The following LCA5L variants were observed in gnomAD, a reference collection of about 807,000 sequenced individuals.
LCA5L encodes the protein lebercilin LCA5 like, also known as lebercilin-like protein.
A neutral mutation model predicts 45.4 loss-of-function variants in LCA5L; 35 were observed. That is an observed-to-expected ratio of 0.77 (90% CI 0.59 to 1.02). The LOEUF (loss-of-function observed/expected upper bound fraction) is 1.02, where lower values mean the gene tolerates loss of function less well. Ranked by LOEUF, LCA5L falls within the 50% of genes least tolerant of loss-of-function variation. LCA5L has a pLI of 0.00. For missense variants in LCA5L, 668 were observed against 761.6 expected, an observed-to-expected ratio of 0.88 and a Z score of 1.45; for synonymous variants, 233 against 264.7, an observed-to-expected ratio of 0.88 and a Z score of 1.16.
At chr21:39,417,175 G>C (rs1311988106) in intron 7 of LCA5L, among the ~76,000 whole-genome samples, 1 of 152,142 alleles carries the variant, frequency 6.6e-6, no homozygotes, top group Non-Finnish European at 1.5e-5. Flanking sequence ...TGGGATTACA[G>C]GCGCGCACCA....
In LCA5L at chr21:39,444,196, G is replaced by A. The variant is rs1008852814; in HGVS notation, c.-307C>T. On this transcript the variant is annotated 5_prime_UTR_variant, in exon 2 of 11. Transcript: ENST00000288350. ...TGCATCTCAGTTTGCCTCTTTTGGT[G>A]CTTCTCTAAAAAATAAAAAAGGAAG... is the stretch of plus-strand genomic sequence containing the variant. 2.0e-5 allele frequency: 3 copies of A among 152,078 alleles called. No homozygotes were observed. The highest frequency in any genetic ancestry group is 2.9e-5 in the Non-Finnish European group (2 of 68,022). 9.4% of individuals were successfully genotyped at this position (152,078 alleles called of 1,614,324 possible). A position where few individuals can be genotyped will look rare whatever the true frequency, so the allele number is the denominator to read the frequency against.
chr21:39,414,703 T>C (rs886169714), intron 7 of LCA5L, among the ~76,000 whole-genome samples: 34 of 150,434 alleles, frequency 2.3e-4, no homozygotes, highest in Admixed American at 1.1e-3. Flanking sequence ...TGCATCTGTC[T>C]GGTTCTCTCC....
intron 3 of LCA5L, among the ~76,000 whole-genome samples, chr21:39,433,594 T>C (rs1333758232): frequency 1.3e-5 from 2 of 152,126 alleles, no homozygotes; most frequent in Non-Finnish European, 1.5e-5. Flanking sequence ...GGGCATCTAA[T>C]TGCTTCAGCA....
In LCA5L at chr21:39,428,273, TCA is replaced by T. The variant is rs367883726; in HGVS notation, c.219_220del (p.Cys73Ter). On this transcript the variant is annotated stop_gained and frameshift_variant, in exon 5 of 11. Transcript: ENST00000288350. LOFTEE classifies it high-confidence loss of function. ...TCTATTAATAGCCTTTTCTGAACAA[TCA>T]CAGAGAAAGTCTTCTGAATAATCAT... 141 of 1,609,688 alleles carry T rather than the reference TCA, an allele frequency of 8.8e-5. No individual in the cohort carries two copies. In the African/African-American group the frequency reaches 1.7e-3, roughly 20 times the overall value.
At chr21:39,441,813 A>T (rs2076895042) in intron 2 of LCA5L, among the ~76,000 whole-genome samples, 1 of 152,174 alleles carries the variant, frequency 6.6e-6, no homozygotes, top group Admixed American at 6.5e-5. Flanking sequence ...TGTTTGCCTG[A>T]TTATTTTTAC....
chr21:39,425,201 C>T (rs779765875), intron 5 of LCA5L, among the ~76,000 whole-genome samples: 11 of 152,256 alleles, frequency 7.2e-5, no homozygotes, highest in Non-Finnish European at 1.2e-4. Context: ...ACTTAGTGGC[C>T]AGTGTCACCC....
chr21:39,442,426 G>A (rs1602000462), intron 2 of LCA5L, among the ~76,000 whole-genome samples: 1 of 152,142 alleles, frequency 6.6e-6, no homozygotes, highest in East Asian at 1.9e-4. Flanking sequence ...GGAGGCGGGA[G>A]GGGTGGCATA....
chr21:39,423,669 G>A (rs2074127180), intron 5 of LCA5L, among the ~76,000 whole-genome samples, 179 bp from the exon 6 acceptor site: 1 of 152,092 alleles, frequency 6.6e-6, no homozygotes, highest in Admixed American at 6.6e-5. Context: ...CTTTAGGCTA[G>A]GTACTTTATA....
intron 3 of LCA5L, 78 bp from the exon 4 acceptor site, chr21:39,429,289 A>G (rs2075386202): frequency 6.6e-6 from 1 of 152,184 alleles, no homozygotes; most frequent in Admixed American, 6.5e-5. Context: ...CACTTTCTCT[A>G]CTGAGAGGGT....
chr21:39,413,255 G>A (rs1011191514), intron 7 of LCA5L, among the ~76,000 whole-genome samples: 2 of 152,152 alleles, frequency 1.3e-5, no homozygotes, highest in African/African-American at 2.4e-5. Context: ...GTACACATAT[G>A]TTTTCTCTCA....
intron 2 of LCA5L, among the ~76,000 whole-genome samples, chr21:39,439,191 G>A (rs1320221707): frequency 1.3e-5 from 2 of 152,150 alleles, no homozygotes; most frequent in African/African-American, 2.4e-5. Context: ...AAGACACGAC[G>A]CTGCTGGCTT....
intron 7 of LCA5L, among the ~76,000 whole-genome samples, chr21:39,420,494 G>C (rs1248868991): frequency 8.3e-6 from 1 of 120,252 alleles, no homozygotes; most frequent in East Asian, 2.7e-4. Flanking sequence ...CTGCACTCCA[G>C]CCTGGGTGAC....
chr21:39,413,458 G>C (rs1051773886), intron 7 of LCA5L, among the ~76,000 whole-genome samples: 1 of 152,204 alleles, frequency 6.6e-6, no homozygotes, highest in Non-Finnish European at 1.5e-5. Context: ...GTATGGCTTA[G>C]TTACAGAAAA....
intron 7 of LCA5L, among the ~76,000 whole-genome samples, chr21:39,417,659 C>T (rs1228277243): frequency 6.6e-6 from 1 of 152,216 alleles, no homozygotes; most frequent in Non-Finnish European, 1.5e-5. Context: ...GGAGGCCTCA[C>T]AATCATGGTT....
At chr21:39,411,921 AG>A (rs2040151166) in intron 7 of LCA5L, 119 bp from the exon 8 acceptor site, 1 of 597,990 alleles carries the variant, frequency 1.7e-6, no homozygotes, top group Non-Finnish European at 3.0e-6. Flanking sequence ...AGATTTTAGA[AG>A]AAACAGAAAT....
chr21:39,422,161 G>C (rs1033618041), intron 6 of LCA5L: 1 of 152,180 alleles, frequency 6.6e-6, no homozygotes, highest in South Asian at 2.1e-4. Flanking sequence ...TTAAAACGTG[G>C]AGGAAACGAA....
At chr21:39,419,833 T>C (rs2041981210) in intron 7 of LCA5L, among the ~76,000 whole-genome samples, 1 of 152,188 alleles carries the variant, frequency 6.6e-6, no homozygotes, top group African/African-American at 2.4e-5. Context: ...TCTAAATTGT[T>C]GGACATTTTA....
At chr21:39,411,887 C>T (rs892995120) in intron 7 of LCA5L, 85 bp from the exon 8 acceptor site, 8 of 711,586 alleles carry the variant, frequency 1.1e-5, no homozygotes, top group Middle Eastern at 2.4e-4. Context: ...TAAATGAGCT[C>T]AGTATCCTAT....
intron 1 of LCA5L, among the ~76,000 whole-genome samples, chr21:39,444,959 T>C (rs1342626439): frequency 3.3e-5 from 5 of 151,764 alleles, no homozygotes; most frequent in African/African-American, 4.8e-5. Context: ...GGATCTGGTG[T>C]TCAGGGGAGG....
Sources: gnomAD v4.1 joint callset for allele counts (sites outside exome capture counted in the v4.1 genomes callset) on GRCh38, gnomAD v4.1.1 for gene constraint, MANE v1.5 for transcripts, NCBI Gene and HGNC (gene_info 2026-07-23, HGNC 2026-07-21) for gene names.